Variants in TTC28 observed in about 807,000 individuals in gnomAD.
TTC28 encodes the protein tetratricopeptide repeat protein 28.
Under a neutral mutation model 198.0 loss-of-function variants are expected in TTC28, and 61 were observed. That is an observed-to-expected ratio of 0.31 (90% CI 0.25 to 0.38). The LOEUF (loss-of-function observed/expected upper bound fraction) is 0.38, where lower values mean the gene tolerates loss of function less well. Among genes scored for constraint, TTC28 ranks in the 10% least tolerant of loss-of-function variants. The pLI is 1.00. For missense variants in TTC28, 2,678 were observed against 3,164.0 expected (o/e 0.85, Z 3.69); for synonymous variants, 1,171 against 1,297.8 (o/e 0.90, Z 2.10).
In TTC28 at chr22:28,611,382, C is replaced by T. The variant is rs571717228; in HGVS notation, c.381+18170G>A. Among the ~76,000 whole-genome samples, 8 of 152,192 alleles carry T rather than the reference C, an allele frequency of 5.3e-5. No individual in the cohort carries two copies. In the South Asian group the frequency reaches 1.5e-3, roughly 28 times the overall value. On this transcript the variant is annotated intron_variant, in intron 2 of 22. Transcript: ENST00000397906. ...GGCAGATCTCTCTGCAGAAACCCTA[C>T]AAGCCAGAACAGAGTGGGGGCCAAT...
intron 6 of TTC28, among the ~76,000 whole-genome samples, chr22:28,110,927 C>A (rs1433008904): frequency 6.7e-6 from 1 of 148,170 alleles, no homozygotes; most frequent in African/African-American, 2.5e-5. Flanking sequence ...AGAGTGAGAC[C>A]CTGCCTTTAA....
intron 2 of TTC28, among the ~76,000 whole-genome samples, chr22:28,495,686 A>C (rs966855257): frequency 6.6e-6 from 1 of 152,176 alleles, no homozygotes; most frequent in South Asian, 2.1e-4. Context: ...TCAGGACAAT[A>C]GTTGTGGAAA....
intron 12 of TTC28, among the ~76,000 whole-genome samples, chr22:28,032,036 G>A (rs575806921): frequency 1.3e-4 from 19 of 151,588 alleles, no homozygotes; most frequent in African/African-American, 4.6e-4. Flanking sequence ...GCAGCTTGCT[G>A]TGGCAGATCC....
rs1415222868 is a variant in TTC28 at position 28,107,793 on chromosome 22, G to A, written c.2052C>T (p.Phe684=). The A allele has an allele frequency of 2.6e-6, 4 of 1,551,890 alleles. No homozygotes were observed. Among genetic ancestry groups the A allele is most frequent in the African/African-American group, 2.7e-5 (2 of 73,046 alleles). ...CTTTACTGAAATTCAGCAGAGCCTT[G>A]AATGCTAGGCCCAAGTTGCAGTAGG... ...AKAYCNLGLA[F]KALLNFSKAE... Residue 684 remains phenylalanine (F), a synonymous_variant, in exon 7 of 23, where the codon TTC becomes TTT. Coordinates refer to ENST00000397906, the MANE Select transcript of TTC28 (RefSeq NM_001145418.2).
At chr22:28,466,852 CA>C in intron 2 of TTC28, among the ~76,000 whole-genome samples, 1 of 149,362 alleles carries the variant, frequency 6.7e-6, no homozygotes, top group Non-Finnish European at 1.5e-5. Flanking sequence ...CACACACACA[CA>C]CACCCCTATG....
chr22:28,395,941 C>G (rs2146085100), intron 2 of TTC28, among the ~76,000 whole-genome samples: 1 of 152,268 alleles, frequency 6.6e-6, no homozygotes, highest in East Asian at 1.9e-4. Flanking sequence ...ATATTCACAA[C>G]TATGACTAAT....
At chr22:28,379,497 T>C (rs145304542) in intron 2 of TTC28, among the ~76,000 whole-genome samples, 3 of 152,338 alleles carry the variant, frequency 2.0e-5, no homozygotes, top group East Asian at 1.9e-4. Flanking sequence ...CTTGAGGACA[T>C]TATGCTAAAT....
At chr22:28,552,135 CA>C (rs879341669) in intron 2 of TTC28, among the ~76,000 whole-genome samples, 2 of 151,644 alleles carry the variant, frequency 1.3e-5, no homozygotes, top group East Asian at 1.9e-4. Context: ...ACGATAACCA[CA>C]AAAAAAATAA....
At chr22:28,194,235 G>A (rs1384964971) in intron 5 of TTC28, among the ~76,000 whole-genome samples, 1 of 152,132 alleles carries the variant, frequency 6.6e-6, no homozygotes, top group Non-Finnish European at 1.5e-5. Flanking sequence ...TGAAACCAAT[G>A]AGAACAAAGA....
chr22:28,384,363 C>T (rs1352835688), intron 2 of TTC28, among the ~76,000 whole-genome samples: 2 of 152,180 alleles, frequency 1.3e-5, no homozygotes, highest in Non-Finnish European at 2.9e-5. Context: ...ACTGGGATTA[C>T]AGGCCTGAGC....
intron 2 of TTC28, among the ~76,000 whole-genome samples, chr22:28,612,956 A>G (rs1257526690): frequency 2.0e-5 from 3 of 152,184 alleles, no homozygotes; most frequent in Admixed American, 6.5e-5. Flanking sequence ...TTCAAAAACT[A>G]GCAGAAGACA....
At chr22:28,101,782 TAAAAA>T (rs11459818) in intron 8 of TTC28, among the ~76,000 whole-genome samples, 10 of 53,168 alleles carry the variant, frequency 1.9e-4, no homozygotes, top group African/African-American at 6.8e-4. Context: ...CCATCTCTGT[TAAAAA>T]AAAAAAAAAA....
intron 5 of TTC28, among the ~76,000 whole-genome samples, chr22:28,255,192 C>T (rs189354287): frequency 4.1e-4 from 62 of 152,072 alleles, no homozygotes; most frequent in Admixed American, 1.6e-3. Context: ...AAAGACCACA[C>T]GAGAGAGCCA....
chr22:28,336,031 G>A lies in TTC28; in HGVS notation c.382-29388C>T, dbSNP rs542238473. ...ACGTGCCATCAATACCTAATTTATT[G>A]AGAGTTTTTAGCACGAAGGGCTGTT... is the stretch of plus-strand genomic sequence containing the variant. On this transcript the variant is annotated intron_variant, in intron 2 of 22. Transcript: ENST00000397906. Among the ~76,000 whole-genome samples the A allele has an allele frequency of 3.3e-5, 5 of 152,306 alleles. No individual in the cohort carries two copies. The South Asian group carries it at 1.0e-3, about 32-fold the overall frequency.
At chr22:27,992,354 T>TA (rs1937446159) in intron 19 of TTC28, 1 of 548,926 alleles carries the variant, frequency 1.8e-6, no homozygotes, top group African/African-American at 1.9e-5. Context: ...ATCATGCCGG[T>TA]AAGGGGCAGT....
chr22:28,605,613 T>C (rs1569054867), intron 2 of TTC28, among the ~76,000 whole-genome samples: 1 of 152,222 alleles, frequency 6.6e-6, no homozygotes, highest in African/African-American at 2.4e-5. Context: ...GGTATAGAAG[T>C]AACTGCACTT....
intron 2 of TTC28, among the ~76,000 whole-genome samples, chr22:28,545,493 C>T (rs1345459582): frequency 6.6e-6 from 1 of 152,110 alleles, no homozygotes; most frequent in African/African-American, 2.4e-5. Context: ...GCAGGAGGAT[C>T]ACTTGAGCCT....
intron 3 of TTC28, among the ~76,000 whole-genome samples, chr22:28,304,356 T>C (rs1408707038): frequency 6.7e-6 from 1 of 150,348 alleles, no homozygotes; most frequent in East Asian, 1.9e-4. Flanking sequence ...AAAAGAGAGG[T>C]CATTAAGATG....
At chr22:28,160,833 TA>T (rs1731193509) in intron 6 of TTC28, among the ~76,000 whole-genome samples, 1 of 152,206 alleles carries the variant, frequency 6.6e-6, no homozygotes, top group South Asian at 2.1e-4. Context: ...TTGTAACTTT[TA>T]AAAATTGTTT....
Sources: gnomAD v4.1 joint callset for allele counts (sites outside exome capture counted in the v4.1 genomes callset) on GRCh38, gnomAD v4.1.1 for gene constraint, MANE v1.5 for transcripts, NCBI Gene and HGNC (gene_info 2026-07-23, HGNC 2026-07-21) for gene names.